DAB1: variants seen among roughly 807,000 people sequenced by gnomAD.
DAB1 encodes the protein DAB adaptor protein 1.
A neutral mutation model predicts 64.6 loss-of-function variants in DAB1; 15 were observed. The ratio of observed to expected loss-of-function variants is 0.23; its 90% CI spans 0.16 to 0.36. The LOEUF (loss-of-function observed/expected upper bound fraction) is 0.36, where lower values mean the gene tolerates loss of function less well. Ranked by LOEUF, DAB1 falls within the 10% of genes least tolerant of loss-of-function variation. DAB1 has a pLI of 1.00. For synonymous variants in DAB1, 235 were observed against 251.9 expected (o/e 0.93, Z 0.64); for missense variants, 596 against 706.7 (o/e 0.84, Z 1.78).
At chr1:57,970,728 C>T (rs1376825289) in intron 5 of DAB1, among the ~76,000 whole-genome samples, 1 of 152,122 alleles carries the variant, frequency 6.6e-6, no homozygotes, top group African/African-American at 2.4e-5. Flanking sequence ...AAACAAAGCT[C>T]TTAATCCATA....
At chr1:57,061,628 C>T (rs888725526) in intron 9 of DAB1, among the ~76,000 whole-genome samples, 2 of 152,188 alleles carry the variant, frequency 1.3e-5, no homozygotes, top group African/African-American at 2.4e-5. Context: ...CAGGACTTGG[C>T]TGACACAGAA....
chr1:57,152,181 T>C (rs202125625), intron 2 of DAB1, among the ~76,000 whole-genome samples: 1 of 152,190 alleles, frequency 6.6e-6, no homozygotes, highest in Non-Finnish European at 1.5e-5. Context: ...TTTGTGGCTG[T>C]CTGGGTGAGC....
At chr1:57,038,880 C>A (rs746204426) in intron 9 of DAB1, among the ~76,000 whole-genome samples, 13 of 152,120 alleles carry the variant, frequency 8.5e-5, no homozygotes, top group Non-Finnish European at 1.6e-4. Context: ...TAAGACATTG[C>A]AAGAAACGCA....
chr1:57,511,245 T>A (rs72676933), intron 7 of DAB1, among the ~76,000 whole-genome samples: 5,023 of 152,310 alleles, frequency 0.033, 218 homozygotes, highest in Admixed American at 0.12. Flanking sequence ...CATATTTCTA[T>A]GAAAAATAAC....
intron 4 of DAB1, among the ~76,000 whole-genome samples, chr1:58,327,804 C>G (rs926582401): frequency 6.6e-6 from 1 of 152,136 alleles, no homozygotes; most frequent in Non-Finnish European, 1.5e-5. Flanking sequence ...ACTAAAAATA[C>G]AAAAATTAGC....
chr1:58,344,219 T>C (rs1366480411), intron 3 of DAB1, among the ~76,000 whole-genome samples: 1 of 152,102 alleles, frequency 6.6e-6, no homozygotes, highest in African/African-American at 2.4e-5. Context: ...ATTGCACTAA[T>C]TAATGTTATA....
At chr1:57,482,917 G>A (rs912404981) in intron 7 of DAB1, among the ~76,000 whole-genome samples, 4 of 152,180 alleles carry the variant, frequency 2.6e-5, no homozygotes, top group African/African-American at 7.2e-5. Flanking sequence ...AGAGAGCACA[G>A]AGAGCCTACC....
At chr1:57,862,696 CTTAT>C (rs1422197473) in intron 1 of DAB1, 1 of 152,084 alleles carries the variant, frequency 6.6e-6, no homozygotes, top group Non-Finnish European at 1.5e-5. Flanking sequence ...CTGAAAATCA[CTTAT>C]TTATTATTAG....
intron 3 of DAB1, among the ~76,000 whole-genome samples, chr1:58,452,536 G>A (rs1170147442): frequency 4.0e-5 from 6 of 151,790 alleles, no homozygotes; most frequent in South Asian, 2.1e-4. Flanking sequence ...TAAACCAGGC[G>A]CAGTGGCTCA....
chr1:58,379,837 C>T (rs1327281784), intron 3 of DAB1, among the ~76,000 whole-genome samples: 1 of 152,158 alleles, frequency 6.6e-6, no homozygotes, highest in East Asian at 1.9e-4. Context: ...CACAAATTGT[C>T]CCCCAGTATT....
In DAB1 at chr1:58,485,228, T is replaced by TAAAA. The variant is rs71043289; in HGVS notation, n.257+20828_257+20831dup. On this transcript the variant is annotated intron_variant and non_coding_transcript_variant, in intron 3 of 20. Coordinates refer to the DAB1 transcript ENST00000485760. ...GTCTAAAAATAAAAGAGTCTACTAC[T>TAAAA]AAAAAAAAAAAAAAAAAAAAAAAAA... is the stretch of plus-strand genomic sequence containing the variant. Among the ~76,000 whole-genome samples, 86 of 42,048 alleles carry TAAAA rather than the reference T, an allele frequency of 2.0e-3. 3 individuals carry two copies. Among genetic ancestry groups the TAAAA allele is most frequent in the African/African-American group, 6.4e-3 (66 of 10,288 alleles). 27.6% of individuals were successfully genotyped at this position (42,048 alleles called of 152,430 possible). A position where few individuals can be genotyped will look rare whatever the true frequency, so the allele number is the denominator to read the frequency against.
intron 6 of DAB1, among the ~76,000 whole-genome samples, chr1:57,653,604 G>C (rs1646281667): frequency 6.6e-6 from 1 of 151,980 alleles, no homozygotes; most frequent in African/African-American, 2.4e-5. Context: ...TGCATCTTCA[G>C]AATTATTACA....
At chr1:57,669,189 T>C (rs1214892281) in intron 6 of DAB1, among the ~76,000 whole-genome samples, 2 of 152,090 alleles carry the variant, frequency 1.3e-5, no homozygotes, top group South Asian at 2.1e-4. Flanking sequence ...CTTGTCTCAC[T>C]AGAAAAAGTG....
chr1:58,006,732 A>T (rs1646589356), intron 5 of DAB1, among the ~76,000 whole-genome samples: 1 of 152,070 alleles, frequency 6.6e-6, no homozygotes, highest in African/African-American at 2.4e-5. Flanking sequence ...CAAGAAGGAT[A>T]CTCTGACCCA....
At chr1:57,925,650 A>G (rs755794602) in intron 5 of DAB1, among the ~76,000 whole-genome samples, 11 of 152,222 alleles carry the variant, frequency 7.2e-5, no homozygotes, top group Non-Finnish European at 1.5e-4. Flanking sequence ...ATCTGGTCCA[A>G]TTCTGTCATT....
chr1:57,990,343 T>C (rs757387960), intron 5 of DAB1, among the ~76,000 whole-genome samples: 5 of 152,328 alleles, frequency 3.3e-5, no homozygotes, highest in Non-Finnish European at 5.9e-5. Flanking sequence ...CCAATCCAAA[T>C]ATGTTTCATT....
chr1:58,407,337 A>G (rs1477845758), intron 3 of DAB1, among the ~76,000 whole-genome samples: 1 of 152,106 alleles, frequency 6.6e-6, no homozygotes, highest in Non-Finnish European at 1.5e-5. Context: ...CTCCATGATG[A>G]TGGGGACTTG....
At chr1:58,300,073 A>G (rs933201308) in intron 4 of DAB1, among the ~76,000 whole-genome samples, 1 of 152,186 alleles carries the variant, frequency 6.6e-6, no homozygotes, top group African/African-American at 2.4e-5. Context: ...TGAGTAGACA[A>G]AGGTAGATTT....
Position 57,215,530 on chromosome 1 carries a change from C to A in DAB1, c.68-70101G>T, listed in dbSNP as rs1027052461. Among the ~76,000 whole-genome samples, 6 of 152,300 alleles carry A rather than the reference C, an allele frequency of 3.9e-5. No individual in the cohort carries two copies. In the South Asian group the frequency reaches 1.2e-3, roughly 32 times the overall value. On this transcript the variant is annotated intron_variant, in intron 2 of 14. Transcript: ENST00000371236. ...ACACAGTCTTTGAGTTTGAAAAAAA[C>A]GTCTTTGTGTTGGACCGTGAATTTT...
Sources: allele counts gnomAD v4.1 joint callset (sites outside exome capture counted in the v4.1 genomes callset), GRCh38; gene constraint gnomAD v4.1.1; transcripts MANE v1.5; gene names NCBI Gene and HGNC (gene_info 2026-07-23, HGNC 2026-07-21).